TRAPPC9: variants seen among roughly 807,000 people sequenced by gnomAD.
TRAPPC9 encodes IKK2 binding protein.
A neutral mutation model predicts 124.0 loss-of-function variants in TRAPPC9; 83 were observed. That is an observed-to-expected ratio of 0.67 (90% CI 0.56 to 0.80). The LOEUF (loss-of-function observed/expected upper bound fraction) is 0.80, where lower values mean the gene tolerates loss of function less well. Among genes scored for constraint, TRAPPC9 ranks in the 30% least tolerant of loss-of-function variants. The pLI is 0.00. For synonymous variants in TRAPPC9, 638 were observed against 617.5 expected (o/e 1.03, Z -0.49); for missense variants, 1,302 against 1,508.3 (o/e 0.86, Z 2.27).
At chr8:139,910,048 G>T in intron 20 of TRAPPC9, 99 bp downstream of exon 20, 1 of 1,409,190 alleles carries the variant, frequency 7.1e-7, no homozygotes, top group Non-Finnish European at 9.7e-7. Flanking sequence ...GCTACCTGTG[G>T]TGAAAATTCA....
At chr8:139,829,681 G>A (rs571691923) in intron 21 of TRAPPC9, among the ~76,000 whole-genome samples, 1 of 152,334 alleles carries the variant, frequency 6.6e-6, no homozygotes, top group East Asian at 1.9e-4. Context: ...AGTTTGCGGG[G>A]CTATGATCCC....
intron 17 of TRAPPC9, among the ~76,000 whole-genome samples, chr8:140,038,465 G>A (rs1270866082): frequency 6.6e-6 from 1 of 152,246 alleles, no homozygotes; most frequent in Non-Finnish European, 1.5e-5. Flanking sequence ...GCTATGTCCT[G>A]TGCATCACAG....
intron 19 of TRAPPC9, among the ~76,000 whole-genome samples, chr8:139,953,151 T>A (rs1341037943): frequency 6.6e-6 from 1 of 152,164 alleles, no homozygotes; most frequent in Non-Finnish European, 1.5e-5. Flanking sequence ...CTACAACAAC[T>A]AACAAAATGG....
intron 21 of TRAPPC9, among the ~76,000 whole-genome samples, chr8:139,770,468 T>C (rs1017743050): frequency 2.0e-5 from 3 of 152,192 alleles, no homozygotes; most frequent in Non-Finnish European, 2.9e-5. Context: ...CAGGCACGGG[T>C]TCACAAAGGT....
chr8:139,959,164 A>G lies in TRAPPC9; in HGVS notation c.2810+29562T>C, dbSNP rs541037536. On this transcript the variant is annotated intron_variant, in intron 19 of 22. Coordinates refer to ENST00000438773, the MANE Select transcript of TRAPPC9 (RefSeq NM_001160372.4). Reference sequence around the variant, plus strand: ...GCCACTTTCTGACTGGGAGCAGATCATTTAACCACAGTTACCCGTGTGTAA... The same window carrying G: ...GCCACTTTCTGACTGGGAGCAGATCGTTTAACCACAGTTACCCGTGTGTAA... Among the ~76,000 whole-genome samples, 5 of 152,374 alleles carry G rather than the reference A, an allele frequency of 3.3e-5. No homozygotes were observed. In the East Asian group the frequency reaches 9.7e-4, roughly 29 times the overall value.
intron 16 of TRAPPC9, among the ~76,000 whole-genome samples, chr8:140,231,680 T>G (rs7842742): frequency 7.8e-5 from 11 of 140,972 alleles, no homozygotes. Flanking sequence ...TTTTTTTTTG[T>G]ATTTTTAGTA....
chr8:140,188,855 C>T lies in TRAPPC9; in HGVS notation c.2556+32604G>A, dbSNP rs60730179. ...CCGAATTGATACCACCAGGCTGGACCTCCCTCCAGAATTCCAGCTGAAATT... is the reference window on the plus strand; with the variant it reads ...CCGAATTGATACCACCAGGCTGGACTTCCCTCCAGAATTCCAGCTGAAATT... On this transcript the variant is annotated intron_variant, in intron 17 of 22. Coordinates refer to ENST00000438773, the MANE Select transcript of TRAPPC9 (RefSeq NM_001160372.4). Among the ~76,000 whole-genome samples the T allele has an allele frequency of 6.2e-3, 938 of 152,268 alleles. 7 individuals are homozygous for T. The highest frequency in any genetic ancestry group is 0.021 in the African/African-American group (863 of 41,546).
chr8:139,855,821 A>G (rs575021076), intron 21 of TRAPPC9, among the ~76,000 whole-genome samples: 1 of 152,236 alleles, frequency 6.6e-6, no homozygotes, highest in African/African-American at 2.4e-5. Context: ...TATAAAGCTC[A>G]TAAGACTGGC....
intron 17 of TRAPPC9, among the ~76,000 whole-genome samples, chr8:140,044,327 G>A (rs1841452081): frequency 6.6e-6 from 1 of 150,668 alleles, no homozygotes; most frequent in Non-Finnish European, 1.5e-5. Context: ...ATCCTACTTA[G>A]GCACTCAATC....
At chr8:140,101,651 T>A (rs912830685) in intron 17 of TRAPPC9, among the ~76,000 whole-genome samples, 1 of 146,912 alleles carries the variant, frequency 6.8e-6, no homozygotes, top group African/African-American at 2.5e-5. Context: ...CAAGCGATTC[T>A]CCTGCCTCAG....
rs1444681644 is a variant in TRAPPC9, at chr8:140,145,564, T to C, written c.2556+75895A>G. Among the ~76,000 whole-genome samples the C allele has an allele frequency of 2.0e-5, 3 of 152,232 alleles. No homozygotes were observed. In the East Asian group the frequency reaches 5.8e-4, roughly 29 times the overall value. On this transcript the variant is annotated intron_variant, in intron 17 of 22. Transcript: ENST00000438773. The stretch of plus-strand genomic sequence containing the variant: ...TTTTTCCTCAATCAATCTGCTACTA[T>C]ATATGTAACACTGGGAAATGTTCTG...
chr8:140,166,101 G>A (rs925119617), intron 17 of TRAPPC9, among the ~76,000 whole-genome samples: 1 of 152,160 alleles, frequency 6.6e-6, no homozygotes, highest in Non-Finnish European at 1.5e-5. Context: ...AGTCCAGCTG[G>A]AATAGCAACC....
rs1002359437 is a variant in TRAPPC9, at chr8:140,164,327, G to A, written c.2556+57132C>T. Among the ~76,000 whole-genome samples, 7 of 152,302 alleles carry A rather than the reference G, an allele frequency of 4.6e-5. No individual in the cohort carries two copies. In the East Asian group the frequency reaches 1.2e-3, roughly 25 times the overall value. ...ACTTCCCCTAAAAATTTCCTAAGTC[G>A]TCAACAAATCCACATTGCCAAATTC... On this transcript the variant is annotated intron_variant, in intron 17 of 22. Coordinates refer to ENST00000438773, the MANE Select transcript of TRAPPC9 (RefSeq NM_001160372.4).
At chr8:139,975,927 C>T (rs1274988889) in intron 19 of TRAPPC9, among the ~76,000 whole-genome samples, 15 of 95,566 alleles carry the variant, frequency 1.6e-4, no homozygotes, top group South Asian at 7.8e-4. Context: ...AAAGGACAGT[C>T]TTTTTTTTTT....
intron 7 of TRAPPC9, 25 bp from the exon 8 acceptor site, chr8:140,371,205 A>T (rs1277803859): frequency 6.3e-7 from 1 of 1,579,848 alleles, no homozygotes; most frequent in Non-Finnish European, 8.6e-7. Flanking sequence ...GAAAGTAAAA[A>T]GCTTTTGAAA....
intron 4 of TRAPPC9, among the ~76,000 whole-genome samples, chr8:140,433,065 G>C (rs1309518806): frequency 6.6e-6 from 1 of 152,164 alleles, no homozygotes; most frequent in Non-Finnish European, 1.5e-5. Flanking sequence ...CACTTTGGGA[G>C]GCCGAAGCGG....
At chr8:140,421,978 T>C (rs528730335) in intron 5 of TRAPPC9, among the ~76,000 whole-genome samples, 3 of 56,794 alleles carry the variant, frequency 5.3e-5, no homozygotes, top group African/African-American at 1.9e-4. Flanking sequence ...ATAAGGTCCC[T>C]CATGACAAAA....
intron 21 of TRAPPC9, among the ~76,000 whole-genome samples, chr8:139,773,186 T>C (rs1821104757): frequency 1.3e-5 from 2 of 152,344 alleles, no homozygotes; most frequent in African/African-American, 4.8e-5. Flanking sequence ...TGTGTGGGGT[T>C]AGTCACCCAG....
At chr8:140,088,493 A>G (rs1844348558) in intron 17 of TRAPPC9, among the ~76,000 whole-genome samples, 1 of 152,232 alleles carries the variant, frequency 6.6e-6, no homozygotes, top group Non-Finnish European at 1.5e-5. Flanking sequence ...GACCTTTTGA[A>G]ATTATGACTT....
Sources: gnomAD v4.1 joint callset for allele counts (sites outside exome capture counted in the v4.1 genomes callset) on GRCh38, gnomAD v4.1.1 for gene constraint, MANE v1.5 for transcripts, NCBI Gene and HGNC (gene_info 2026-07-23, HGNC 2026-07-21) for gene names.